The following ROBO1 variants were observed in gnomAD, a reference collection of about 807,000 sequenced individuals.
The protein encoded by ROBO1 is roundabout guidance receptor 1, also known as roundabout homolog 1.
In ROBO1, 149 loss-of-function variants were observed where a neutral mutation model predicts 195.9. The ratio of observed to expected loss-of-function variants is 0.76; its 90% CI spans 0.67 to 0.87. The LOEUF (loss-of-function observed/expected upper bound fraction) is 0.87, where lower values mean the gene tolerates loss of function less well. ROBO1 is among the 40% of genes least tolerant of loss of function. ROBO1 has a pLI of 0.00. For missense variants in ROBO1, 1,933 were observed against 2,068.3 expected, an observed-to-expected ratio of 0.93 and a Z score of 1.27; for synonymous variants, 816 against 733.2, an observed-to-expected ratio of 1.11 and a Z score of -1.82.
intron 3 of ROBO1, among the ~76,000 whole-genome samples, chr3:79,100,200 T>C (rs921472102): frequency 6.6e-5 from 10 of 151,808 alleles, no homozygotes. Flanking sequence ...TTCTTTTTAA[T>C]CTGAAAGTGA....
chr3:78,853,095 G>A (rs2034175084), intron 4 of ROBO1, among the ~76,000 whole-genome samples: 1 of 152,126 alleles, frequency 6.6e-6, no homozygotes, highest in African/African-American at 2.4e-5. Flanking sequence ...TGTTCAAGTG[G>A]AAATGATAGT....
At chr3:79,322,782 G>C (rs2034040765) in intron 2 of ROBO1, among the ~76,000 whole-genome samples, 1 of 151,962 alleles carries the variant, frequency 6.6e-6, no homozygotes, top group African/African-American at 2.4e-5. Flanking sequence ...AAATATTTCA[G>C]GAATGAAGAA....
chr3:78,598,057 G>A lies in ROBO1; in HGVS notation c.*856C>T, dbSNP rs1702943696. 1 of 151,966 alleles carries A rather than the reference G, an allele frequency of 6.6e-6. No individual in the cohort carries two copies. The highest frequency in any genetic ancestry group is 2.4e-5 in the African/African-American group (1 of 41,224). The allele number at this position is 151,966 out of a possible 1,614,324, so 9.4% of individuals were successfully genotyped here. ...GAAAGTTGAACTGACACTACCAGAA[G>A]AAATTTAGGCCAGTTAAGACAGGGA... On this transcript the variant is annotated 3_prime_UTR_variant, in exon 31 of 31. Coordinates refer to ENST00000464233, the MANE Select transcript of ROBO1 (RefSeq NM_002941.4).
chr3:78,616,263 TA>T (rs1170230927), intron 27 of ROBO1, among the ~76,000 whole-genome samples: 8 of 152,174 alleles, frequency 5.3e-5, no homozygotes, highest in Admixed American at 5.2e-4. Flanking sequence ...TACAGAAGGT[TA>T]AAAAATAAGG....
intron 1 of ROBO1, among the ~76,000 whole-genome samples, chr3:79,601,041 A>G (rs1337101054): frequency 1.3e-5 from 2 of 151,962 alleles, no homozygotes; most frequent in African/African-American, 4.8e-5. Context: ...TAATGTATAA[A>G]CAGAGTGCTG....
intron 1 of ROBO1, among the ~76,000 whole-genome samples, chr3:79,728,867 C>A (rs1703033356): frequency 6.6e-6 from 1 of 151,982 alleles, no homozygotes; most frequent in Admixed American, 6.6e-5. Flanking sequence ...GGCATGATTA[C>A]CTTTTTTAAT....
intron 1 of ROBO1, among the ~76,000 whole-genome samples, chr3:79,742,117 G>A (rs1703673625): frequency 6.6e-6 from 1 of 152,266 alleles, no homozygotes; most frequent in Non-Finnish European, 1.5e-5. Flanking sequence ...GCCTGGCCAT[G>A]TGGTAGAGAA....
At chr3:79,507,528 G>A (rs1157264734) in intron 2 of ROBO1, among the ~76,000 whole-genome samples, 2 of 152,166 alleles carry the variant, frequency 1.3e-5, no homozygotes, top group Admixed American at 6.5e-5. Flanking sequence ...GGAATGAGAA[G>A]TGTAGAAGAG....
intron 3 of ROBO1, among the ~76,000 whole-genome samples, chr3:79,051,634 T>C (rs2078700895): frequency 6.6e-6 from 1 of 152,150 alleles, no homozygotes; most frequent in African/African-American, 2.4e-5. Context: ...ATATCTCTGA[T>C]GAAAATCTAT....
intron 2 of ROBO1, among the ~76,000 whole-genome samples, chr3:79,541,353 A>C (rs1198669023): frequency 2.0e-5 from 3 of 152,032 alleles, no homozygotes; most frequent in Non-Finnish European, 2.9e-5. Flanking sequence ...GAAATTACCC[A>C]CAACAGCCAG....
chr3:79,634,200 G>A (rs1043229383), intron 1 of ROBO1, among the ~76,000 whole-genome samples: 2 of 152,140 alleles, frequency 1.3e-5, no homozygotes, highest in African/African-American at 4.8e-5. Context: ...GCATAGCTCT[G>A]ACATGCAAAG....
intron 2 of ROBO1, among the ~76,000 whole-genome samples, chr3:79,495,665 T>C (rs1012794859): frequency 6.6e-6 from 1 of 152,220 alleles, no homozygotes; most frequent in Non-Finnish European, 1.5e-5. Flanking sequence ...CTTTGATACA[T>C]GCGGTTAAAA....
At chr3:79,058,395 C>T (rs1478015613) in intron 3 of ROBO1, among the ~76,000 whole-genome samples, 2 of 152,016 alleles carry the variant, frequency 1.3e-5, no homozygotes, top group African/African-American at 2.4e-5. Flanking sequence ...AAAGGCATTA[C>T]CTCCCCAAGG....
intron 2 of ROBO1, among the ~76,000 whole-genome samples, chr3:79,310,016 A>G (rs1304254318): frequency 6.6e-6 from 1 of 152,126 alleles, no homozygotes; most frequent in Non-Finnish European, 1.5e-5. Context: ...TTTTTTTTAC[A>G]TAACTAATTG....
chr3:78,940,298 T>C (rs1208138818), intron 3 of ROBO1, among the ~76,000 whole-genome samples: 1 of 152,206 alleles, frequency 6.6e-6, no homozygotes, highest in Non-Finnish European at 1.5e-5. Context: ...TCCACCAGGA[T>C]GTAGGAAAGC....
At chr3:78,721,200 GT>G (rs891905878) in intron 5 of ROBO1, among the ~76,000 whole-genome samples, 4 of 152,124 alleles carry the variant, frequency 2.6e-5, no homozygotes, top group African/African-American at 9.7e-5. Context: ...ATAAACTTGA[GT>G]TTAAAAAACT....
chr3:78,734,386 C>A (rs2082346549), intron 5 of ROBO1, among the ~76,000 whole-genome samples: 1 of 90,076 alleles, frequency 1.1e-5, no homozygotes, highest in Admixed American at 1.5e-4. Context: ...CATGGTGAGA[C>A]CCCACCGCCA....
intron 2 of ROBO1, among the ~76,000 whole-genome samples, chr3:79,393,903 G>A (rs942182060): frequency 1.5e-4 from 23 of 152,084 alleles, no homozygotes; most frequent in African/African-American, 5.6e-4. Context: ...ACGGGGCCAG[G>A]CTTATGATAG....
In ROBO1 at chr3:78,598,789, A is replaced by C. The variant is rs1575750210; in HGVS notation, c.*124T>G. ...TTAAAATGATATCCCAATAAGAGGA[A>C]TAAAAACGACAATTTGTACACTCTG... On this transcript the variant is annotated 3_prime_UTR_variant, in exon 31 of 31. Coordinates refer to ENST00000464233, the MANE Select transcript of ROBO1 (RefSeq NM_002941.4). 2 of 588,968 alleles carry C rather than the reference A, an allele frequency of 3.4e-6. No homozygotes were observed. The highest frequency in any genetic ancestry group is 5.9e-6 in the Non-Finnish European group (2 of 337,326). The allele number at this position is 588,968 out of a possible 1,614,324, so 36.5% of individuals were successfully genotyped here.
Sources: gnomAD v4.1 joint callset for allele counts (sites outside exome capture counted in the v4.1 genomes callset) on GRCh38, gnomAD v4.1.1 for gene constraint, MANE v1.5 for transcripts, NCBI Gene and HGNC (gene_info 2026-07-23, HGNC 2026-07-21) for gene names.